The following SHLD1 variants were observed in gnomAD, a reference collection of about 807,000 sequenced individuals.
SHLD1 encodes RINN1-REV7-interacting novel NHEJ regulator 3.
In SHLD1, 3 loss-of-function variants were observed where a neutral mutation model predicts 5.5. The ratio of observed to expected loss-of-function variants is 0.54; its 90% confidence interval spans 0.25 to 1.40. The LOEUF (loss-of-function observed/expected upper bound fraction) is 1.40. Among genes scored for constraint, SHLD1 ranks in the 40% most tolerant of loss-of-function variants. The probability of loss-of-function intolerance (pLI) is 0.15; values close to 1 mark genes in which losing one functional copy is unlikely to be tolerated. For missense variants in SHLD1, 210 were observed against 244.4 expected (o/e 0.86, Z 0.94); for synonymous variants, 92 against 94.3 (o/e 0.98, Z 0.14).
chr20:5,767,208 C>T lies in SHLD1; in HGVS notation c.-4-5654C>T, dbSNP rs191010511. On this transcript the variant is annotated intron_variant, in intron 1 of 2. Transcript: ENST00000303142. ...GGAGTGCAGTGGCACAATCTCGCAT[C>T]ACTGTATCCCCAACTGCCTGGCTCA... Among the ~76,000 whole-genome samples the T allele has an allele frequency of 5.5e-4, 83 of 152,216 alleles. No homozygotes were observed. The East Asian group carries it at 0.016, about 29-fold the overall frequency.
rs1313864937 is a variant in SHLD1, at chr20:5,833,656, AGAGAGACAGAGACAGG to A, written c.179-29355_179-29340del. ...CAGAGACAGGGAGAAACAGAGAGAG[AGAGAGACAGAGACAGG>A]GAGAGACAGAGAGAGAGAGACAGAG... On this transcript the variant is annotated intron_variant, in intron 2 of 2. Coordinates refer to ENST00000303142, the MANE Select transcript of SHLD1 (RefSeq NM_152504.4). Among the ~76,000 whole-genome samples, 18 of 152,048 alleles carry A rather than the reference AGAGAGACAGAGACAGG, an allele frequency of 1.2e-4. 1 individual carries two copies. Among genetic ancestry groups the A allele is most frequent in the East Asian group, 1.9e-4 (1 of 5,188 alleles).
Position 5,767,931 on chromosome 20 carries a change from CCA to C in SHLD1, c.-4-4928_-4-4927del, listed in dbSNP as rs371120699. On this transcript the variant is annotated intron_variant, in intron 1 of 2. Transcript: ENST00000303142. ...GGGCTCTGTAGCCATCCAGCTGAGA[CCA>C]CAGAGTTTGTCCTTTCCCGTTTACT... Among the ~76,000 whole-genome samples, 224 of 152,132 alleles carry C rather than the reference CCA, an allele frequency of 1.5e-3. 1 individual carries two copies. The highest frequency in any genetic ancestry group is 4.9e-3 in the African/African-American group (205 of 41,506).
At position 5,750,431 on chromosome 20, in the gene SHLD1, G is replaced by A. The variant is rs960918270; in HGVS notation, c.-53G>A. 2 of 150,590 alleles carry A rather than the reference G, an allele frequency of 1.3e-5. No homozygotes were observed. Among genetic ancestry groups the A allele is most frequent in the Admixed American group, 6.7e-5 (1 of 14,952 alleles). The allele number at this position is 150,590 out of a possible 1,614,324, so 9.3% of individuals were successfully genotyped here. On this transcript the variant is annotated 5_prime_UTR_variant, in exon 1 of 3. Coordinates refer to ENST00000303142, the MANE Select transcript of SHLD1 (RefSeq NM_152504.4). ...GGTTGCGGATGGTGAGTGTGTCGGG[G>A]GGCTTGGCGGCTTTTCTCCTCAGTT... is the stretch of plus-strand genomic sequence containing the variant.
intron 2 of SHLD1, among the ~76,000 whole-genome samples, chr20:5,841,860 G>T (rs1158020034): frequency 6.6e-6 from 1 of 152,212 alleles, no homozygotes; most frequent in Non-Finnish European, 1.5e-5. Flanking sequence ...GCCAATGGCT[G>T]CACACTCAGT....
chr20:5,813,945 CTT>C (rs143110037), intron 2 of SHLD1, among the ~76,000 whole-genome samples: 2 of 79,974 alleles, frequency 2.5e-5, no homozygotes, highest in African/African-American at 4.7e-5. Flanking sequence ...CCTTTTCTTT[CTT>C]TTTTTTTTTT....
intron 2 of SHLD1, among the ~76,000 whole-genome samples, chr20:5,798,070 G>A (rs385829): frequency 0.84 from 127,708 of 152,092 alleles, 53,968 homozygotes; most frequent in East Asian, 1. Flanking sequence ...TATTGGCTGG[G>A]GCTGCAGTCA....
At position 5,841,870 on chromosome 20, in the gene SHLD1, T is replaced by C. The variant is rs574222514; in HGVS notation, c.179-21154T>C. Among the ~76,000 whole-genome samples the C allele has an allele frequency of 1.7e-3, 260 of 152,344 alleles. 4 individuals carry two copies. Among genetic ancestry groups the C allele is most frequent in the African/African-American group, 5.9e-3 (245 of 41,596 alleles). ...TGTGGGCCAATGGCTGCACACTCAG[T>C]AGTGCAATGCAGAGGCTATTAGAGC... On this transcript the variant is annotated intron_variant, in intron 2 of 2. Transcript: ENST00000303142.
intron 2 of SHLD1, among the ~76,000 whole-genome samples, chr20:5,797,673 A>C (rs145661753): frequency 3.9e-5 from 6 of 152,350 alleles, no homozygotes; most frequent in Admixed American, 6.5e-5. Context: ...AGTGATGGGC[A>C]TGTAAAATTG....
chr20:5,809,590 C>T (rs2087430023), intron 2 of SHLD1, among the ~76,000 whole-genome samples: 1 of 152,058 alleles, frequency 6.6e-6, no homozygotes, highest in African/African-American at 2.4e-5. Flanking sequence ...ACCACTCTTA[C>T]CCCACATTGT....
At chr20:5,827,268 T>C (rs2087677497) in intron 2 of SHLD1, among the ~76,000 whole-genome samples, 1 of 152,202 alleles carries the variant, frequency 6.6e-6, no homozygotes, top group South Asian at 2.1e-4. Flanking sequence ...CAGGAAGGGA[T>C]CCAAGGATGT....
chr20:5,834,980 A>T (rs1299977486), intron 2 of SHLD1, among the ~76,000 whole-genome samples: 2 of 152,164 alleles, frequency 1.3e-5, no homozygotes, highest in Non-Finnish European at 1.5e-5. Flanking sequence ...CTATGTCTTA[A>T]TACTATCACC....
chr20:5,841,538 T>G (rs1405803141), intron 2 of SHLD1, among the ~76,000 whole-genome samples: 2 of 152,226 alleles, frequency 1.3e-5, no homozygotes, highest in East Asian at 3.8e-4. Flanking sequence ...CCTTCAAATT[T>G]GTATTCCTTT....
At chr20:5,856,125 T>A (rs1459326116) in intron 2 of SHLD1, among the ~76,000 whole-genome samples, 1 of 152,202 alleles carries the variant, frequency 6.6e-6, no homozygotes, top group East Asian at 1.9e-4. Flanking sequence ...CCCTGGATAT[T>A]TGGGGCTTGC....
At chr20:5,799,927 G>C (rs1048241450) in intron 2 of SHLD1, among the ~76,000 whole-genome samples, 2 of 152,074 alleles carry the variant, frequency 1.3e-5, no homozygotes, top group South Asian at 2.1e-4. Flanking sequence ...ACATGAAAGA[G>C]CTAATCTCTT....
chr20:5,847,194 AC>A (rs2087942540), intron 2 of SHLD1, among the ~76,000 whole-genome samples: 2 of 152,144 alleles, frequency 1.3e-5, no homozygotes, highest in Admixed American at 1.3e-4. Flanking sequence ...CTAATTGCCA[AC>A]CCCTTCTTCC....
At chr20:5,789,173 G>C (rs952793679) in intron 2 of SHLD1, among the ~76,000 whole-genome samples, 1 of 146,614 alleles carries the variant, frequency 6.8e-6, no homozygotes, top group Non-Finnish European at 1.5e-5. Flanking sequence ...AGTGATGTCT[G>C]ATTTTTCTTT....
At chr20:5,836,771 C>T (rs2087794193) in intron 2 of SHLD1, among the ~76,000 whole-genome samples, 1 of 152,194 alleles carries the variant, frequency 6.6e-6, no homozygotes, top group African/African-American at 2.4e-5. Flanking sequence ...AAGCCCTACC[C>T]ATAGCAAGAG....
At chr20:5,820,618 G>A (rs991438566) in intron 2 of SHLD1, among the ~76,000 whole-genome samples, 1 of 152,236 alleles carries the variant, frequency 6.6e-6, no homozygotes, top group African/African-American at 2.4e-5. Context: ...ACATGAGAAG[G>A]TTTAAAAAAG....
intron 2 of SHLD1, among the ~76,000 whole-genome samples, chr20:5,784,539 C>T (rs982570411): frequency 5.3e-5 from 8 of 152,074 alleles, no homozygotes; most frequent in African/African-American, 7.2e-5. Flanking sequence ...CAAGCTCCGC[C>T]TCCCGGGTTC....
Sources: allele counts gnomAD v4.1 joint callset (sites outside exome capture counted in the v4.1 genomes callset), GRCh38; gene constraint gnomAD v4.1.1; transcripts MANE v1.5; gene names NCBI Gene and HGNC (gene_info 2026-07-23, HGNC 2026-07-21).